Variants in FGD6 observed in about 807,000 individuals in gnomAD.
The protein encoded by FGD6 is FYVE, RhoGEF and PH domain containing 6, also known as FYVE, RhoGEF and PH domain-containing protein 6.
In FGD6, 90 loss-of-function variants were observed where a neutral mutation model predicts 149.4. The observed-to-expected ratio is 0.60, with a 90% CI of 0.51 to 0.72. FGD6 has a LOEUF of 0.72. Among genes scored for constraint, FGD6 ranks in the 30% least tolerant of loss-of-function variants. FGD6 has a pLI of 0.00. For missense variants in FGD6, 1,437 were observed against 1,684.8 expected, an observed-to-expected ratio of 0.85 and a Z score of 2.57; for synonymous variants, 527 against 584.0, an observed-to-expected ratio of 0.90 and a Z score of 1.41.
intron 18 of FGD6, among the ~76,000 whole-genome samples, chr12:95,088,154 A>C (rs563663131): frequency 2.0e-5 from 3 of 152,234 alleles, no homozygotes; most frequent in Non-Finnish European, 4.4e-5. Context: ...ATTTTCAAAG[A>C]TAAAACTGGT....
At chr12:95,207,040 C>T (rs745759127) in intron 2 of FGD6, among the ~76,000 whole-genome samples, 5 of 151,722 alleles carry the variant, frequency 3.3e-5, no homozygotes, top group Admixed American at 6.6e-5. Flanking sequence ...TGGCTGTGCC[C>T]CCACCCAAAT....
chr12:95,139,910 T>C (rs1879795089), intron 6 of FGD6, among the ~76,000 whole-genome samples: 1 of 152,208 alleles, frequency 6.6e-6, no homozygotes, highest in Non-Finnish European at 1.5e-5. Context: ...GTGCTGGGAT[T>C]ACAGGCATGA....
Position 95,091,535 on chromosome 12 carries a change from C to T in FGD6, c.3850+172G>A, listed in dbSNP as rs538282536. Among the ~76,000 whole-genome samples, 3 of 152,280 alleles carry T rather than the reference C, an allele frequency of 2.0e-5. No homozygotes were observed. The South Asian group carries it at 6.2e-4, about 32-fold the overall frequency. On this transcript the variant is annotated intron_variant, in intron 17 of 20. Coordinates refer to ENST00000343958, the MANE Select transcript of FGD6 (RefSeq NM_018351.4). ...CACAGACTGAAACCAAATTTCAGCC[C>T]AACCTCTCCCAGAATTACAACAAAA...
chr12:95,170,785 G>A (rs1880968590), intron 3 of FGD6, among the ~76,000 whole-genome samples: 1 of 152,166 alleles, frequency 6.6e-6, no homozygotes, highest in Admixed American at 6.6e-5. Flanking sequence ...CATGGAAAAC[G>A]AGCTTTCAAA....
At chr12:95,198,586 C>T (rs1881787229) in intron 2 of FGD6, among the ~76,000 whole-genome samples, 1 of 152,074 alleles carries the variant, frequency 6.6e-6, no homozygotes, top group African/African-American at 2.4e-5. Context: ...ACTACAGGGG[C>T]CCGCCACCAC....
chr12:95,179,327 C>G (rs1881215405), intron 2 of FGD6, among the ~76,000 whole-genome samples: 1 of 150,042 alleles, frequency 6.7e-6, no homozygotes, highest in Admixed American at 6.7e-5. Context: ...CAGGGAGAGA[C>G]CCCATTTCTA....
At chr12:95,126,194 T>C in intron 8 of FGD6, 1 of 1,149,860 alleles carries the variant, frequency 8.7e-7, no homozygotes, top group Admixed American at 1.9e-5. Context: ...AAGCACCTGT[T>C]GCTAAGGGTG....
intron 14 of FGD6, among the ~76,000 whole-genome samples, chr12:95,096,975 A>G (rs919216166): frequency 6.6e-6 from 1 of 152,194 alleles, no homozygotes; most frequent in African/African-American, 2.4e-5. Context: ...AAATTTGAGA[A>G]TTGCTGTTGG....
chr12:95,187,712 G>C (rs916724873), intron 2 of FGD6, among the ~76,000 whole-genome samples: 1 of 151,110 alleles, frequency 6.6e-6, no homozygotes, highest in Non-Finnish European at 1.5e-5. Flanking sequence ...TATCAATCAT[G>C]TGAAACAGCT....
chr12:95,138,972 G>A (rs1359139383), intron 6 of FGD6, among the ~76,000 whole-genome samples: 1 of 78,610 alleles, frequency 1.3e-5, no homozygotes, highest in Non-Finnish European at 2.8e-5. Context: ...GATATCCTCT[G>A]CATACTTAAG....
chr12:95,171,101 T>C (rs1301954743), intron 3 of FGD6, among the ~76,000 whole-genome samples: 3 of 152,210 alleles, frequency 2.0e-5, no homozygotes, highest in Non-Finnish European at 4.4e-5. Flanking sequence ...CTATGAGTAC[T>C]ATTCTTTTTT....
intron 8 of FGD6, among the ~76,000 whole-genome samples, chr12:95,129,847 T>A (rs111847787): frequency 4.6e-5 from 7 of 152,070 alleles, no homozygotes; most frequent in Admixed American, 3.9e-4. Context: ...TAATTTTTGT[T>A]TTTTTTTGTA....
intron 2 of FGD6, among the ~76,000 whole-genome samples, chr12:95,194,131 C>T (rs1215458296): frequency 6.6e-6 from 1 of 151,688 alleles, no homozygotes; most frequent in South Asian, 2.1e-4. Context: ...CGCCAAGTTG[C>T]CCAGGTTGGT....
At chr12:95,092,624 G>GA (rs1389030465) in intron 16 of FGD6, 75 bp downstream of exon 16, 2 of 1,446,620 alleles carry the variant, frequency 1.4e-6, no homozygotes, top group Non-Finnish European at 1.9e-6. Context: ...TTTATGAGGG[G>GA]AAATATGCTT....
At chr12:95,187,098 G>A (rs1406812950) in intron 2 of FGD6, among the ~76,000 whole-genome samples, 3 of 152,154 alleles carry the variant, frequency 2.0e-5, no homozygotes, top group African/African-American at 7.2e-5. Flanking sequence ...TTGGGATGCC[G>A]AGGCGGGCAG....
intron 3 of FGD6, among the ~76,000 whole-genome samples, chr12:95,155,268 T>C (rs998640665): frequency 2.6e-5 from 4 of 152,220 alleles, no homozygotes; most frequent in Admixed American, 6.5e-5. Context: ...GGCTCACACC[T>C]GTAATTCCAG....
At chr12:95,092,571 CAT>C in intron 16 of FGD6, 126 bp downstream of exon 16, 1 of 984,920 alleles carries the variant, frequency 1.0e-6, no homozygotes, top group Non-Finnish European at 1.4e-6. Context: ...CTACCATTAA[CAT>C]AATAATAATA....
chr12:95,108,304 A>G, intron 11 of FGD6, 44 bp downstream of exon 11: 3 of 1,540,044 alleles, frequency 1.9e-6, no homozygotes, highest in Non-Finnish European at 8.9e-7. Flanking sequence ...ATGGTACCTA[A>G]ATGCATCGTA....
intron 5 of FGD6, among the ~76,000 whole-genome samples, chr12:95,150,907 C>T (rs1880291566): frequency 6.6e-6 from 1 of 152,032 alleles, no homozygotes; most frequent in South Asian, 2.1e-4. Context: ...CCAGCCTGGG[C>T]AACATGGCTA....
Sources: gnomAD v4.1 joint callset for allele counts (sites outside exome capture counted in the v4.1 genomes callset) on GRCh38, gnomAD v4.1.1 for gene constraint, MANE v1.5 for transcripts, NCBI Gene and HGNC (gene_info 2026-07-23, HGNC 2026-07-21) for gene names.